The following KCNIP4 variants were observed in gnomAD, a reference collection of about 807,000 sequenced individuals.
The protein encoded by KCNIP4 is potassium voltage-gated channel interacting protein 4.
In KCNIP4, 12 loss-of-function variants were observed where a neutral mutation model predicts 34.0. The observed-to-expected ratio is 0.35, with a 90% CI of 0.23 to 0.57. The LOEUF (loss-of-function observed/expected upper bound fraction) is 0.57. Among genes scored for constraint, KCNIP4 ranks in the 20% least tolerant of loss-of-function variants. The pLI is 0.83. For missense variants in KCNIP4, 238 were observed against 311.7 expected, an observed-to-expected ratio of 0.76 and a Z score of 1.78; for synonymous variants, 124 against 102.2, an observed-to-expected ratio of 1.21 and a Z score of -1.29.
intron 1 of KCNIP4, among the ~76,000 whole-genome samples, chr4:21,717,781 C>T (rs1382943444): frequency 6.6e-6 from 1 of 152,162 alleles, no homozygotes; most frequent in African/African-American, 2.4e-5. Flanking sequence ...TCATTGGCCC[C>T]ACTCCTGCGT....
intron 1 of KCNIP4, among the ~76,000 whole-genome samples, chr4:21,223,999 C>T (rs1758174973): frequency 6.6e-6 from 1 of 152,120 alleles, no homozygotes; most frequent in Non-Finnish European, 1.5e-5. Context: ...GTCAACCTCA[C>T]ATTCTTTGCA....
intron 1 of KCNIP4, among the ~76,000 whole-genome samples, chr4:21,129,305 G>T (rs906749523): frequency 7.9e-5 from 12 of 152,176 alleles, no homozygotes; most frequent in African/African-American, 2.9e-4. Context: ...TCTCCGGTAT[G>T]TCTTCATTAG....
intron 1 of KCNIP4, among the ~76,000 whole-genome samples, chr4:21,564,708 A>C (rs972288): frequency 0.45 from 68,436 of 151,902 alleles, 15,449 homozygotes; most frequent in East Asian, 0.56. Flanking sequence ...ACAGGCTGTA[A>C]AAGAAGCACA....
Position 21,259,391 on chromosome 4 carries a change from T to A in KCNIP4, c.62-376682A>T, listed in dbSNP as rs181345962. Reference sequence around the variant, plus strand: ...GGACATAAATACATCTGGTTAGAGTTTTTTTGTTTATGCCTTCAATTACCT... The same window carrying A: ...GGACATAAATACATCTGGTTAGAGTATTTTTGTTTATGCCTTCAATTACCT... On this transcript the variant is annotated intron_variant, in intron 1 of 8. Coordinates refer to ENST00000382152, the MANE Select transcript of KCNIP4 (RefSeq NM_025221.6). 1.3e-3 allele frequency among the ~76,000 whole-genome samples: 193 copies of A among 152,280 alleles called. 1 individual carries two copies. Among genetic ancestry groups the A allele is most frequent in the African/African-American group, 4.3e-3 (179 of 41,570 alleles).
intron 1 of KCNIP4, among the ~76,000 whole-genome samples, chr4:20,943,892 G>C (rs1244423812): frequency 6.6e-6 from 1 of 152,148 alleles, no homozygotes; most frequent in African/African-American, 2.4e-5. Flanking sequence ...ATGTGCAAGG[G>C]ACATATTATT....
At chr4:21,263,923 G>T (rs1761628912) in intron 1 of KCNIP4, among the ~76,000 whole-genome samples, 1 of 152,082 alleles carries the variant, frequency 6.6e-6, no homozygotes, top group Non-Finnish European at 1.5e-5. Context: ...CCAAAGTGCT[G>T]GGATTACAGG....
At chr4:21,467,078 ACACACACAC>A (rs1560434235) in intron 1 of KCNIP4, among the ~76,000 whole-genome samples, 20 of 55,066 alleles carry the variant, frequency 3.6e-4, no homozygotes, top group African/African-American at 1.8e-3. Flanking sequence ...AAACAAACAC[ACACACACAC>A]ACACACACAC....
intron 1 of KCNIP4, among the ~76,000 whole-genome samples, chr4:21,526,578 T>TTA (rs1050308520): frequency 9.9e-5 from 15 of 151,694 alleles, no homozygotes; most frequent in African/African-American, 1.2e-4. Flanking sequence ...ATATATAGAT[T>TTA]TATATATATA....
At chr4:21,118,605 C>A (rs1228052130) in intron 1 of KCNIP4, among the ~76,000 whole-genome samples, 3 of 152,128 alleles carry the variant, frequency 2.0e-5, no homozygotes, top group Non-Finnish European at 4.4e-5. Flanking sequence ...GAATAAATAA[C>A]CTCTGTTTCT....
chr4:21,065,243 T>G (rs1265194261), intron 1 of KCNIP4, among the ~76,000 whole-genome samples: 1 of 152,048 alleles, frequency 6.6e-6, no homozygotes, highest in African/African-American at 2.4e-5. Flanking sequence ...AATAATCGAG[T>G]GTCCCTACAC....
chr4:21,017,329 T>C (rs996205180), intron 1 of KCNIP4, among the ~76,000 whole-genome samples: 1 of 152,218 alleles, frequency 6.6e-6, no homozygotes, highest in African/African-American at 2.4e-5. Flanking sequence ...CTATTTATCC[T>C]GATGCTCTCC....
intron 2 of KCNIP4, among the ~76,000 whole-genome samples, chr4:20,878,518 T>C (rs1238162365): frequency 6.6e-6 from 1 of 152,186 alleles, no homozygotes; most frequent in Non-Finnish European, 1.5e-5. Flanking sequence ...ATAACACTTA[T>C]CACTTCCCAG....
chr4:21,498,657 C>A (rs574951821), intron 1 of KCNIP4, among the ~76,000 whole-genome samples: 2 of 152,246 alleles, frequency 1.3e-5, no homozygotes, highest in East Asian at 3.9e-4. Flanking sequence ...AATTAAAAAG[C>A]ACCTTGATGG....
chr4:21,679,638 T>C (rs954916223), intron 1 of KCNIP4, among the ~76,000 whole-genome samples: 5 of 152,248 alleles, frequency 3.3e-5, no homozygotes, highest in Non-Finnish European at 7.3e-5. Flanking sequence ...TGGTGCTTAA[T>C]ACATTCAAGC....
At chr4:20,869,005 T>C (rs768654179) in intron 2 of KCNIP4, among the ~76,000 whole-genome samples, 1 of 152,100 alleles carries the variant, frequency 6.6e-6, no homozygotes, top group East Asian at 1.9e-4. Context: ...TGTAAAGAGA[T>C]AGACATACAG....
Position 21,081,992 on chromosome 4 carries a change from T to C in KCNIP4, c.62-199283A>G, listed in dbSNP as rs75331643. On this transcript the variant is annotated intron_variant, in intron 1 of 8. Coordinates refer to ENST00000382152, the MANE Select transcript of KCNIP4 (RefSeq NM_025221.6). ...ATTTCTGATGGTACTAATCCAACAC[T>C]GAAAAATTAATTCTCCTTTGAAAAG... Among the ~76,000 whole-genome samples, 276 of 151,944 alleles carry C rather than the reference T, an allele frequency of 1.8e-3. 5 individuals carry two copies. Among genetic ancestry groups the C allele is most frequent in the African/African-American group, 6.2e-3 (256 of 41,358 alleles).
chr4:21,597,632 T>C (rs1480935647), intron 1 of KCNIP4, among the ~76,000 whole-genome samples: 1 of 152,126 alleles, frequency 6.6e-6, no homozygotes, highest in Non-Finnish European at 1.5e-5. Flanking sequence ...TTTTCTTTGA[T>C]TGGTCCTTTT....
chr4:21,924,785 T>C (rs975802516), intron 1 of KCNIP4, among the ~76,000 whole-genome samples: 14 of 152,210 alleles, frequency 9.2e-5, no homozygotes, highest in African/African-American at 2.9e-4. Context: ...CTAGGGTCCC[T>C]TTCCTATACC....
chr4:20,842,581 C>CAAAAAAAAAAAAAA lies in KCNIP4; in HGVS notation c.288+7948_288+7961dup, dbSNP rs59134256. ...GGCAATTGAGTCTCTCTTCTAATGG[C>CAAAAAAAAAAAAAA]AAAAAAAAAAAAAAAAAAAAAAAAA... On this transcript the variant is annotated intron_variant, in intron 3 of 8. Transcript: ENST00000382152. Among the ~76,000 whole-genome samples, 12 of 69,692 alleles carry CAAAAAAAAAAAAAA rather than the reference C, an allele frequency of 1.7e-4. 1 individual carries two copies. Among genetic ancestry groups the CAAAAAAAAAAAAAA allele is most frequent in the African/African-American group, 6.4e-4 (11 of 17,064 alleles). The allele number at this position is 69,692 out of a possible 152,430, so 45.7% of individuals were successfully genotyped here.
Sources: gnomAD v4.1 joint callset for allele counts (sites outside exome capture counted in the v4.1 genomes callset) on GRCh38, gnomAD v4.1.1 for gene constraint, MANE v1.5 for transcripts, NCBI Gene and HGNC (gene_info 2026-07-23, HGNC 2026-07-21) for gene names.